Variants in LEMD2 observed in about 807,000 individuals in gnomAD.
The protein encoded by LEMD2 is LEM domain-containing protein 2.
LEMD2 carries 34 observed loss-of-function variants against 58.8 expected under a neutral mutation model. The observed-to-expected ratio is 0.58, with a 90% confidence interval of 0.44 to 0.77. LEMD2 has a LOEUF of 0.77. LEMD2 is among the 30% of genes least tolerant of loss of function. The pLI, the probability that LEMD2 is intolerant of heterozygous loss-of-function variation, is 0.00. For missense variants in LEMD2, 629 were observed against 717.9 expected, an observed-to-expected ratio of 0.88 and a Z score of 1.42; for synonymous variants, 298 against 308.9, an observed-to-expected ratio of 0.96 and a Z score of 0.37.
rs371333218 is a variant in LEMD2 at position 33,788,343 on chromosome 6, G to A, written c.736+38C>T. 5.2e-4 allele frequency: 782 copies of A among 1,506,240 alleles called. 1 individual carries two copies. Among genetic ancestry groups the A allele is most frequent in the Admixed American group, 5.2e-4 (26 of 49,558 alleles). 93.3% of individuals were successfully genotyped at this position (1,506,240 alleles called of 1,614,324 possible). On this transcript the variant is annotated intron_variant, in intron 1 of 8. Transcript: ENST00000293760. ...GGGGGGTCCTCCGGCGGACACACGC[G>A]CGCCCAGGGCCCTCCCCTGCGCCGG...
chr6:33,774,070 G>A (rs1399047274), intron 8 of LEMD2, among the ~76,000 whole-genome samples: 2 of 152,112 alleles, frequency 1.3e-5, no homozygotes, highest in African/African-American at 2.4e-5. Flanking sequence ...CTGCAGTGCC[G>A]TCTCATGCTC....
Position 33,788,926 on chromosome 6 carries a change from T to A in LEMD2, c.191A>T (p.Glu64Val). Residue 64 changes from glutamate (E) to valine (V), a missense_variant, in exon 1 of 9, where the codon GAA (glutamate) becomes GTA (valine). This residue lies in a region of LEMD2 where 386 missense variants were observed against 381.1 expected (regional missense o/e 1.01). Coordinates refer to ENST00000293760, the MANE Select transcript of LEMD2 (RefSeq NM_181336.4). ...CGCATCCTCGCGTAACCGGGCCTCTTCCCGTAACCGCTCCTCGCCCCGCGG... is the reference window on the plus strand; with the variant it reads ...CGCATCCTCGCGTAACCGGGCCTCTACCCGTAACCGCTCCTCGCCCCGCGG... ...ARPRGEERLREEARLREDAPL... is the reference protein window; with the variant it reads ...ARPRGEERLRVEARLREDAPL... The A allele has an allele frequency of 6.7e-7, 1 of 1,487,748 alleles. No individual in the cohort carries two copies. Among genetic ancestry groups the A allele is most frequent in the Non-Finnish European group, 8.9e-7 (1 of 1,126,562 alleles). 92.2% of individuals were successfully genotyped at this position (1,487,748 alleles called of 1,614,324 possible).
intron 4 of LEMD2, 29 bp from the exon 5 acceptor site, chr6:33,780,208 T>C: frequency 6.4e-7 from 1 of 1,554,818 alleles, no homozygotes; most frequent in Non-Finnish European, 8.7e-7. Flanking sequence ...GAAGGTTAGT[T>C]CGGCGTCTGG....
Position 33,780,147 on chromosome 6 carries a change from T to A in LEMD2, c.963A>T (p.Glu321Asp), listed in dbSNP as rs997383259. ...NVTSSSSAKF[E>D]AALTWILSSN... Reference sequence around the variant, plus strand: ...TGCTCAGTATCCAGGTCAGTGCGGCTTCAAACTTGGCGGAGGAGCTGCTGG... The same window carrying A: ...TGCTCAGTATCCAGGTCAGTGCGGCATCAAACTTGGCGGAGGAGCTGCTGG... The change falls in exon 5 of 9, where the codon GAA becomes GAT. Residue 321 changes from glutamate (E) to aspartate (D), a missense_variant. By Grantham distance (45) the Glu-to-Asp change is conservative. Transcript: ENST00000293760. 1 of 1,596,678 alleles carries A rather than the reference T, an allele frequency of 6.3e-7. No homozygotes were observed. Among genetic ancestry groups the A allele is most frequent in the South Asian group, 1.1e-5 (1 of 88,166 alleles).
In LEMD2 at chr6:33,778,417, T is replaced by A. The variant is rs762539768; in HGVS notation, c.1011-30A>T. The A allele has an allele frequency of 6.9e-7, 1 of 1,455,714 alleles. No homozygotes were observed. The highest frequency in any genetic ancestry group is 2.4e-5 in the Admixed American group (1 of 42,126). 90.2% of individuals were successfully genotyped at this position (1,455,714 alleles called of 1,614,324 possible). ...AACAGGACACAGGGCTCTGAACATG[T>A]TGGAAAGCTCCAAGGAGAGGCAGTG... On this transcript the variant is annotated intron_variant, in intron 5 of 8. Coordinates refer to ENST00000293760, the MANE Select transcript of LEMD2 (RefSeq NM_181336.4). The surrounding 1 kb of genome is among the most constrained non-coding windows in gnomAD (Gnocchi z 4.7).
At chr6:33,786,462 T>C (rs1470514500) in intron 2 of LEMD2, among the ~76,000 whole-genome samples, 1 of 152,148 alleles carries the variant, frequency 6.6e-6, no homozygotes, top group African/African-American at 2.4e-5. Flanking sequence ...CTAGATTGAC[T>C]CAGGCAGATC....
chr6:33,786,035 G>A (rs1056044019), intron 2 of LEMD2, among the ~76,000 whole-genome samples: 2 of 152,158 alleles, frequency 1.3e-5, no homozygotes, highest in Non-Finnish European at 2.9e-5. Flanking sequence ...GCCAGGCATT[G>A]CACACTTAAT....
In LEMD2 at chr6:33,772,473, T is replaced by C. The variant is rs1299405825; in HGVS notation, c.*155A>G. 8 of 699,962 alleles carry C rather than the reference T, an allele frequency of 1.1e-5. No homozygotes were observed. Among genetic ancestry groups the C allele is most frequent in the Non-Finnish European group, 1.9e-5 (8 of 425,422 alleles). 43.4% of individuals were successfully genotyped at this position (699,962 alleles called of 1,614,324 possible). ...CACATTTTCCTGCGAGCCGAACTCC[T>C]CTGAAGAGTATGGCAGACCTTTGGA... On this transcript the variant is annotated 3_prime_UTR_variant, in exon 9 of 9. Transcript: ENST00000293760.
rs1260190439 is a variant in LEMD2, at chr6:33,772,112, A to C, written c.*516T>G. ...ACAGTCACTTGTTCTAATTTCTAGC[A>C]CCTTCCCTCTTCAGGATAGAGGCCC... On this transcript the variant is annotated 3_prime_UTR_variant, in exon 9 of 9. Transcript: ENST00000293760. 6.5e-6 allele frequency: 1 copy of C among 154,042 alleles called. No homozygotes were observed. Among genetic ancestry groups the C allele is most frequent in the East Asian group, 1.9e-4 (1 of 5,186 alleles). 9.5% of individuals were successfully genotyped at this position (154,042 alleles called of 1,614,324 possible).
chr6:33,780,910 A>G (rs1767551241), intron 4 of LEMD2, among the ~76,000 whole-genome samples, 167 bp downstream of exon 4: 1 of 152,186 alleles, frequency 6.6e-6, no homozygotes, highest in African/African-American at 2.4e-5. Flanking sequence ...GGCTGCCTTA[A>G]CTGAAGGTAG....
intron 3 of LEMD2, among the ~76,000 whole-genome samples, chr6:33,782,806 G>A (rs1018481936): frequency 6.6e-6 from 1 of 152,196 alleles, no homozygotes; most frequent in African/African-American, 2.4e-5. Flanking sequence ...AGCCCACAGC[G>A]GATCCCTAAC....
chr6:33,786,086 C>T (rs1426637348), intron 2 of LEMD2, among the ~76,000 whole-genome samples: 1 of 152,202 alleles, frequency 6.6e-6, no homozygotes, highest in East Asian at 1.9e-4. Context: ...CAAGACTCCT[C>T]CTGGTACAAT....
chr6:33,788,437 C>T lies in LEMD2; in HGVS notation c.680G>A (p.Gly227Asp). Residue 227 changes from glycine (G) to aspartate (D), a missense_variant, in exon 1 of 9, where the codon GGC becomes GAC. Coordinates refer to ENST00000293760, the MANE Select transcript of LEMD2 (RefSeq NM_181336.4). Reference sequence around the variant, plus strand: ...CTTGCCCATCTTCACCCAAAGGATGCCCAGGAAGACGAGCAGTAGCCCTAG... The same window carrying T: ...CTTGCCCATCTTCACCCAAAGGATGTCCAGGAAGACGAGCAGTAGCCCTAG... ...ASLGLLLVFLGILWVKMGKPS... is the reference protein window; with the variant it reads ...ASLGLLLVFLDILWVKMGKPS... 4 of 1,584,522 alleles carry T rather than the reference C, an allele frequency of 2.5e-6. No homozygotes were observed. The highest frequency in any genetic ancestry group is 3.4e-6 in the Non-Finnish European group (4 of 1,166,336).
Position 33,777,148 on chromosome 6 carries a change from C to T in LEMD2, c.1248G>A (p.Lys416=), listed in dbSNP as rs1291219534. The T allele has an allele frequency of 3.7e-6, 6 of 1,614,014 alleles. No homozygotes were observed. The highest frequency in any genetic ancestry group is 3.3e-4 in the Middle Eastern group (2 of 6,084). ...EEEQAMYEMV[K]KIIDVVQDHY... ...CAGGGGGCCACGCACCTATAATCTT[C>T]TTCACCATCTCATACATGGCTTGTT... The change falls in exon 7 of 9, where the codon AAG becomes AAA. Residue 416 remains lysine, a synonymous_variant. Coordinates refer to ENST00000293760, the MANE Select transcript of LEMD2 (RefSeq NM_181336.4).
At position 33,772,562 on chromosome 6, in the gene LEMD2, C is replaced by T; in HGVS notation, c.*66G>A. 1 of 1,502,474 alleles carries T rather than the reference C, an allele frequency of 6.7e-7. No individual in the cohort carries two copies. The highest frequency in any genetic ancestry group is 1.9e-5 in the Admixed American group (1 of 51,912). The allele number at this position is 1,502,474 out of a possible 1,614,324, so 93.1% of individuals were successfully genotyped here. A position where few individuals can be genotyped will look rare whatever the true frequency, so the allele number is the denominator to read the frequency against. On this transcript the variant is annotated 3_prime_UTR_variant, in exon 9 of 9. Transcript: ENST00000293760. The stretch of plus-strand genomic sequence containing the variant: ...AATTCAGCACCGCAGGCCTGGTGAC[C>T]CTCCTGTGCCTCTGGAGTGGGCTGT...
chr6:33,783,936 G>A (rs912207873), intron 3 of LEMD2, among the ~76,000 whole-genome samples: 7 of 152,210 alleles, frequency 4.6e-5, no homozygotes, highest in Non-Finnish European at 7.3e-5. Flanking sequence ...GCACAGGCAA[G>A]AGGCCTCTCC....
chr6:33,771,279 TTTC>T lies in LEMD2; in HGVS notation c.*1346_*1348del, dbSNP rs1337814974. On this transcript the variant is annotated 3_prime_UTR_variant, in exon 9 of 9. Transcript: ENST00000293760. ...CCTGATACTGAAGCCTGTTGCGGTG[TTTC>T]TTATTTTTCTGGCTGGAGCCTGATT... The T allele has an allele frequency of 5.9e-5, 9 of 152,232 alleles. No homozygotes were observed. Among genetic ancestry groups the T allele is most frequent in the African/African-American group, 1.4e-4 (6 of 41,456 alleles). The allele number at this position is 152,232 out of a possible 1,614,324, so 9.4% of individuals were successfully genotyped here.
intron 6 of LEMD2, among the ~76,000 whole-genome samples, 177 bp from the exon 7 acceptor site, chr6:33,777,416 C>T (rs1032723930): frequency 1.3e-5 from 2 of 152,172 alleles, no homozygotes; most frequent in South Asian, 2.1e-4. Flanking sequence ...TGCAGAGGGA[C>T]GACAGATTAT....
Position 33,778,409 on chromosome 6 carries a change from T to C in LEMD2, c.1011-22A>G. The C allele has an allele frequency of 6.8e-7, 1 of 1,474,308 alleles. No individual in the cohort carries two copies. Among genetic ancestry groups the C allele is most frequent in the Non-Finnish European group, 9.1e-7 (1 of 1,104,702 alleles). The allele number at this position is 1,474,308 out of a possible 1,614,324, so 91.3% of individuals were successfully genotyped here. A position where few individuals can be genotyped will look rare whatever the true frequency, so the allele number is the denominator to read the frequency against. ...CAACCTGAAACAGGACACAGGGCTC[T>C]GAACATGTTGGAAAGCTCCAAGGAG... On this transcript the variant is annotated intron_variant, in intron 5 of 8. Coordinates refer to ENST00000293760, the MANE Select transcript of LEMD2 (RefSeq NM_181336.4). This position sits in a 1 kb window ranked among gnomAD's most constrained non-coding sequence, Gnocchi z 4.7.
Sources: allele counts gnomAD v4.1 joint callset (sites outside exome capture counted in the v4.1 genomes callset), GRCh38; gene constraint gnomAD v4.1.1; regional missense constraint gnomAD v4.1.1; non-coding constraint Gnocchi (gnomAD v3.1); transcripts MANE v1.5; gene names NCBI Gene and HGNC (gene_info 2026-07-23, HGNC 2026-07-21).